Variants in RNF216 observed in about 807,000 individuals in gnomAD.
The protein encoded by RNF216 is ring finger protein 216.
RNF216 carries 72 observed loss-of-function variants against 110.8 expected under a neutral mutation model. That is an observed-to-expected ratio of 0.65 (90% confidence interval 0.54 to 0.79). RNF216 has a LOEUF of 0.79. Ranked by LOEUF, RNF216 falls within the 30% of genes least tolerant of loss-of-function variation. The pLI, the probability that RNF216 is intolerant of heterozygous loss-of-function variation, is 0.00. For missense variants in RNF216, 1,342 were observed against 1,141.2 expected (o/e 1.18, Z -2.54); for synonymous variants, 495 against 407.5 (o/e 1.21, Z -2.59).
rs66617363 is a variant in RNF216 at position 5,660,265 on chromosome 7, C to CTTTTTT, written c.2062-7761_2062-7756dup. Among the ~76,000 whole-genome samples the CTTTTTT allele has an allele frequency of 5.6e-4, 19 of 33,652 alleles. 1 individual carries two copies. Among genetic ancestry groups the CTTTTTT allele is most frequent in the Non-Finnish European group, 8.6e-4 (14 of 16,338 alleles). 22.1% of individuals were successfully genotyped at this position (33,652 alleles called of 152,430 possible). ...ACAGAGCCCGGCCCTGTTTTAAATT[C>CTTTTTT]TTTTTTTTTTTTTTTTTTTTTTTTT... On this transcript the variant is annotated intron_variant, in intron 13 of 16. Transcript: ENST00000389902.
At chr7:5,673,157 C>T (rs3807582) in intron 13 of RNF216, among the ~76,000 whole-genome samples, 2,393 of 152,216 alleles carry the variant, frequency 0.016, 56 homozygotes, top group East Asian at 0.07. Context: ...GCCCCACCTG[C>T]GGGCAGTACC....
intron 1 of RNF216, among the ~76,000 whole-genome samples, chr7:5,767,510 A>G (rs10257204): frequency 0.47 from 71,827 of 151,880 alleles, 17,533 homozygotes; most frequent in Admixed American, 0.54. Flanking sequence ...AACCTATGCC[A>G]CATACATGCA....
rs1794780018 is a variant in RNF216, at chr7:5,741,882, AT to A, written c.202-68del. The A allele has an allele frequency of 3.3e-6, 5 of 1,502,082 alleles. No individual in the cohort carries two copies. The Admixed American group carries it at 8.9e-5, about 27-fold the overall frequency. 93.0% of individuals were successfully genotyped at this position (1,502,082 alleles called of 1,614,324 possible). Reference sequence around the variant, plus strand: ...TGCCTATCCCTCCTTATGTACTTATATTGAGCTTCCGAGATAGGACAGGAAA... The same window carrying A: ...TGCCTATCCCTCCTTATGTACTTATATGAGCTTCCGAGATAGGACAGGAAA... On this transcript the variant is annotated intron_variant, in intron 3 of 16. Coordinates refer to ENST00000389902, the MANE Select transcript of RNF216 (RefSeq NM_207111.4).
At chr7:5,701,195 C>T (rs148361634) in intron 13 of RNF216, among the ~76,000 whole-genome samples, 58 of 152,302 alleles carry the variant, frequency 3.8e-4, no homozygotes, top group African/African-American at 1.3e-3. Flanking sequence ...GGAGAGCTGT[C>T]ATTTCTTATA....
intron 5 of RNF216, among the ~76,000 whole-genome samples, chr7:5,735,834 C>T (rs1327051370): frequency 6.6e-6 from 1 of 152,186 alleles, no homozygotes; most frequent in African/African-American, 2.4e-5. Flanking sequence ...GTGGGTCACA[C>T]CTGTAATCCC....
intron 13 of RNF216, among the ~76,000 whole-genome samples, chr7:5,674,591 G>A (rs1489977580): frequency 2.0e-5 from 3 of 152,024 alleles, no homozygotes; most frequent in Non-Finnish European, 2.9e-5. Context: ...TCGCACCACT[G>A]CACTCCAGCC....
At chr7:5,768,757 G>A (rs1299869645) in intron 1 of RNF216, among the ~76,000 whole-genome samples, 6 of 151,694 alleles carry the variant, frequency 4.0e-5, no homozygotes, top group African/African-American at 1.5e-4. Context: ...CGCCTCCCGG[G>A]TTTACGCCAT....
intron 5 of RNF216, among the ~76,000 whole-genome samples, chr7:5,732,628 C>A (rs13230831): frequency 0.28 from 41,887 of 152,128 alleles, 7,069 homozygotes; most frequent in East Asian, 0.69. Context: ...ATTATGTTTA[C>A]CAACACAACT....
chr7:5,755,517 C>A (rs1371199451), intron 2 of RNF216, among the ~76,000 whole-genome samples: 1 of 152,196 alleles, frequency 6.6e-6, no homozygotes, highest in Non-Finnish European at 1.5e-5. Flanking sequence ...CCAATTTCTG[C>A]TCTCCTTCGT....
In RNF216 at chr7:5,647,644, C is replaced by A. The variant is rs568116049; in HGVS notation, c.2159+4769G>T. On this transcript the variant is annotated intron_variant, in intron 14 of 16. Transcript: ENST00000389902. ...AGCCATTCATTTTCCTATACTTAATCTCTCCCACTCCTGGTTCTTTGGGTT... is the reference window on the plus strand; with the variant it reads ...AGCCATTCATTTTCCTATACTTAATATCTCCCACTCCTGGTTCTTTGGGTT... 8.7e-4 allele frequency among the ~76,000 whole-genome samples: 133 copies of A among 152,104 alleles called. 1 individual carries two copies. Among genetic ancestry groups the A allele is most frequent in the African/African-American group, 3.0e-3 (126 of 41,496 alleles).
chr7:5,759,986 T>C (rs990929166), intron 2 of RNF216, among the ~76,000 whole-genome samples: 4 of 152,150 alleles, frequency 2.6e-5, no homozygotes, highest in African/African-American at 9.7e-5. Flanking sequence ...AGAAAAATCA[T>C]CTTTGTAAAC....
chr7:5,701,653 G>A (rs753597899), intron 13 of RNF216, among the ~76,000 whole-genome samples: 1 of 152,198 alleles, frequency 6.6e-6, no homozygotes, highest in Non-Finnish European at 1.5e-5. Flanking sequence ...GGAGGAGCTA[G>A]AATTAAAGCA....
At chr7:5,635,043 G>C (rs1046098134) in intron 15 of RNF216, among the ~76,000 whole-genome samples, 1 of 152,192 alleles carries the variant, frequency 6.6e-6, no homozygotes, top group Non-Finnish European at 1.5e-5. Context: ...GCAGGAGCCA[G>C]ACACTGGTTG....
intron 1 of RNF216, among the ~76,000 whole-genome samples, chr7:5,774,162 T>C (rs751236270): frequency 2.3e-5 from 3 of 131,658 alleles, no homozygotes; most frequent in Non-Finnish European, 3.2e-5. Context: ...GGGCTTCGGA[T>C]AATACTGCCT....
chr7:5,627,016 C>T (rs576269884), intron 15 of RNF216, among the ~76,000 whole-genome samples: 10 of 152,306 alleles, frequency 6.6e-5, no homozygotes, highest in African/African-American at 2.4e-4. Flanking sequence ...GCACAACCAC[C>T]ACTCTGCCTC....
chr7:5,659,830 G>A (rs898426208), intron 13 of RNF216, among the ~76,000 whole-genome samples: 1 of 152,166 alleles, frequency 6.6e-6, no homozygotes, highest in Non-Finnish European at 1.5e-5. Flanking sequence ...GCTAACCTGC[G>A]ATGGGGCAAT....
intron 13 of RNF216, among the ~76,000 whole-genome samples, chr7:5,669,651 G>C (rs961485368): frequency 1.3e-5 from 2 of 152,164 alleles, no homozygotes; most frequent in Non-Finnish European, 2.9e-5. Flanking sequence ...CCAGCACTTT[G>C]GGAGGCCAAG....
intron 15 of RNF216, among the ~76,000 whole-genome samples, chr7:5,636,895 A>C (rs943202974): frequency 6.6e-6 from 1 of 152,214 alleles, no homozygotes; most frequent in Non-Finnish European, 1.5e-5. Flanking sequence ...AGCACATGAG[A>C]AACCCACACC....
chr7:5,632,928 G>A (rs936737980), intron 15 of RNF216, among the ~76,000 whole-genome samples: 1 of 152,180 alleles, frequency 6.6e-6, no homozygotes, highest in Non-Finnish European at 1.5e-5. Context: ...AGGACAAAGG[G>A]TCAAAGCAGA....
Sources: gnomAD v4.1 joint callset for allele counts (sites outside exome capture counted in the v4.1 genomes callset) on GRCh38, gnomAD v4.1.1 for gene constraint, MANE v1.5 for transcripts, NCBI Gene and HGNC (gene_info 2026-07-23, HGNC 2026-07-21) for gene names.